The following SETBP1 variants were observed in gnomAD, a reference collection of about 807,000 sequenced individuals.
The protein encoded by SETBP1 is SET-binding protein.
A neutral mutation model predicts 101.0 loss-of-function variants in SETBP1; 9 were observed. The ratio of observed to expected loss-of-function variants is 0.09; its 90% confidence interval spans 0.05 to 0.16. The LOEUF (loss-of-function observed/expected upper bound fraction) is 0.16. Ranked by LOEUF, SETBP1 falls within the 10% of genes least tolerant of loss-of-function variation. The pLI is 1.00. For synonymous variants in SETBP1, 818 were observed against 788.5 expected, an observed-to-expected ratio of 1.04 and a Z score of -0.63; for missense variants, 1,858 against 2,033.8, an observed-to-expected ratio of 0.91 and a Z score of 1.66.
intron 3 of SETBP1, among the ~76,000 whole-genome samples, chr18:44,881,109 T>C (rs1226555615): frequency 6.6e-6 from 1 of 152,238 alleles, no homozygotes; most frequent in Non-Finnish European, 1.5e-5. Flanking sequence ...TGTCTCCTAC[T>C]ACACATTTTA....
chr18:44,735,824 C>G (rs1157771959), intron 2 of SETBP1, among the ~76,000 whole-genome samples: 1 of 152,202 alleles, frequency 6.6e-6, no homozygotes, highest in African/African-American at 2.4e-5. Context: ...ACCTGCTGCT[C>G]TCGTGTTCAA....
rs548598196 is a variant in SETBP1 at position 44,908,219 on chromosome 18, C to A, written c.540+38936C>A. Reference sequence around the variant, plus strand: ...GGGATTACAGGCGCCCACCACCATGCTCATCTAATTTTTGTATTTTTAGTG... The same window carrying A: ...GGGATTACAGGCGCCCACCACCATGATCATCTAATTTTTGTATTTTTAGTG... On this transcript the variant is annotated intron_variant, in intron 3 of 5. Coordinates refer to ENST00000649279, the MANE Select transcript of SETBP1 (RefSeq NM_015559.3). 7.0e-4 allele frequency among the ~76,000 whole-genome samples: 107 copies of A among 152,208 alleles called. No homozygotes were observed. The Middle Eastern group carries it at 0.014, about 19-fold the overall frequency.
intron 2 of SETBP1, among the ~76,000 whole-genome samples, chr18:44,742,759 C>G (rs569018720): frequency 6.6e-6 from 1 of 152,162 alleles, no homozygotes; most frequent in Admixed American, 6.5e-5. Context: ...TGTCCCAGGG[C>G]CCTCTGCTAG....
intron 4 of SETBP1, among the ~76,000 whole-genome samples, chr18:44,976,463 G>A (rs1047974941): frequency 3.3e-5 from 5 of 152,192 alleles, no homozygotes; most frequent in Non-Finnish European, 7.3e-5. Context: ...CAGGCTGCTG[G>A]GAAGTAAACT....
intron 3 of SETBP1, among the ~76,000 whole-genome samples, chr18:44,949,473 C>G (rs921145505): frequency 6.6e-6 from 1 of 152,192 alleles, no homozygotes; most frequent in Non-Finnish European, 1.5e-5. Flanking sequence ...CTGGGATTTG[C>G]CATCTTTGGC....
chr18:44,778,908 G>A (rs748857025), intron 2 of SETBP1, among the ~76,000 whole-genome samples: 2 of 140,750 alleles, frequency 1.4e-5, no homozygotes, highest in Non-Finnish European at 3.1e-5. Context: ...GTGTGGGGTG[G>A]TGTCACTGGG....
At chr18:45,023,340 G>A (rs2073105577) in intron 4 of SETBP1, among the ~76,000 whole-genome samples, 2 of 152,196 alleles carry the variant, frequency 1.3e-5, no homozygotes, top group South Asian at 2.1e-4. Context: ...CGGCTCAGGG[G>A]AGATTTTTAT....
intron 2 of SETBP1, among the ~76,000 whole-genome samples, chr18:44,729,277 T>C (rs2069783022): frequency 6.6e-6 from 1 of 152,184 alleles, no homozygotes; most frequent in Non-Finnish European, 1.5e-5. Flanking sequence ...AAAGGTCACA[T>C]GGAGAACCAT....
At chr18:44,734,384 A>G (rs2069914341) in intron 2 of SETBP1, among the ~76,000 whole-genome samples, 1 of 152,134 alleles carries the variant, frequency 6.6e-6, no homozygotes. Context: ...GCTCTCCTGT[A>G]TATTCTGGGA....
chr18:44,990,919 G>C (rs1274226881), intron 4 of SETBP1, among the ~76,000 whole-genome samples: 1 of 119,124 alleles, frequency 8.4e-6, no homozygotes, highest in Non-Finnish European at 1.7e-5. Flanking sequence ...CAAACCATCA[G>C]AGAGAGAGAA....
At chr18:44,869,002 G>C (rs1458672852) in intron 2 of SETBP1, among the ~76,000 whole-genome samples, 2 of 152,146 alleles carry the variant, frequency 1.3e-5, no homozygotes, top group African/African-American at 4.8e-5. Flanking sequence ...CATAGAAATA[G>C]TTTAGAGAGA....
intron 5 of SETBP1, among the ~76,000 whole-genome samples, chr18:45,041,604 G>C: frequency 6.6e-6 from 1 of 152,086 alleles, no homozygotes. Context: ...ACAAATTTAA[G>C]CAATCGTGTA....
intron 2 of SETBP1, among the ~76,000 whole-genome samples, chr18:44,764,162 G>A (rs138303294): frequency 1.3e-5 from 2 of 152,296 alleles, no homozygotes; most frequent in East Asian, 1.9e-4. Context: ...GCGGAGTCCT[G>A]CATGACCTGG....
intron 4 of SETBP1, among the ~76,000 whole-genome samples, chr18:45,035,808 A>T (rs1036920429): frequency 6.6e-6 from 1 of 152,170 alleles, no homozygotes; most frequent in Admixed American, 6.5e-5. Flanking sequence ...GCCTCCATCC[A>T]TTCGGTGGGA....
intron 4 of SETBP1, among the ~76,000 whole-genome samples, chr18:44,984,915 C>A (rs1568009739): frequency 6.6e-6 from 1 of 152,116 alleles, no homozygotes; most frequent in Non-Finnish European, 1.5e-5. Flanking sequence ...CCAAGGCGGG[C>A]AGATCACCTG....
chr18:44,763,693 C>G (rs1183721793), intron 2 of SETBP1, among the ~76,000 whole-genome samples: 3 of 152,210 alleles, frequency 2.0e-5, no homozygotes, highest in African/African-American at 4.8e-5. Context: ...AGAGATATCC[C>G]TACGCTTCTG....
rs550115353 is a variant in SETBP1 at position 44,734,830 on chromosome 18, C to T, written c.486+32998C>T. On this transcript the variant is annotated intron_variant, in intron 2 of 5. Transcript: ENST00000649279. ...ATTTTATTACATTTTATGTTGCTTT[C>T]TCTTATTTAGGTTAGAAATTATCTT... Among the ~76,000 whole-genome samples, 51 of 152,230 alleles carry T rather than the reference C, an allele frequency of 3.4e-4. No individual in the cohort carries two copies. The South Asian group carries it at 5.6e-3, about 17-fold the overall frequency.
chr18:44,982,834 G>T (rs1452739713), intron 4 of SETBP1, among the ~76,000 whole-genome samples: 1 of 152,142 alleles, frequency 6.6e-6, no homozygotes, highest in African/African-American at 2.4e-5. Context: ...AGGAGTCATG[G>T]GTTTCAGTAC....
At chr18:44,896,431 C>G (rs777330243) in intron 3 of SETBP1, among the ~76,000 whole-genome samples, 1 of 152,184 alleles carries the variant, frequency 6.6e-6, no homozygotes, top group Non-Finnish European at 1.5e-5. Flanking sequence ...TCTAATTATT[C>G]TTCTGTGCCT....
Sources: gnomAD v4.1 joint callset for allele counts (sites outside exome capture counted in the v4.1 genomes callset) on GRCh38, gnomAD v4.1.1 for gene constraint, MANE v1.5 for transcripts, NCBI Gene and HGNC (gene_info 2026-07-23, HGNC 2026-07-21) for gene names.